DOK5: variants seen among roughly 807,000 people sequenced by gnomAD.
DOK5 encodes the protein docking protein 5.
A neutral mutation model predicts 43.3 loss-of-function variants in DOK5; 27 were observed. The ratio of observed to expected loss-of-function variants is 0.62; its 90% confidence interval spans 0.46 to 0.86. DOK5 has a LOEUF of 0.86. Ranked by LOEUF, DOK5 falls within the 40% of genes least tolerant of loss-of-function variation. The pLI is 0.00. For synonymous variants in DOK5, 146 were observed against 140.1 expected (o/e 1.04, Z -0.30); for missense variants, 373 against 392.9 (o/e 0.95, Z 0.43).
chr20:54,567,072 T>C (rs1985124909), intron 2 of DOK5, among the ~76,000 whole-genome samples: 1 of 152,090 alleles, frequency 6.6e-6, no homozygotes, highest in African/African-American at 2.4e-5. Flanking sequence ...TGTGTGCGTG[T>C]ATGTGTGTAT....
At chr20:54,509,171 C>T (rs74917862) in intron 1 of DOK5, among the ~76,000 whole-genome samples, 3,652 of 152,246 alleles carry the variant, frequency 0.024, 137 homozygotes, top group African/African-American at 0.083. Context: ...CCACCGCACC[C>T]GGCCTAATTT....
chr20:54,483,564 A>T (rs1025345514), intron 1 of DOK5, among the ~76,000 whole-genome samples: 4 of 152,210 alleles, frequency 2.6e-5, no homozygotes, highest in Non-Finnish European at 5.9e-5. Flanking sequence ...ATGCCTGAGG[A>T]TATTTTTCTA....
chr20:54,571,998 T>C (rs1316230945), intron 2 of DOK5, among the ~76,000 whole-genome samples: 2 of 152,192 alleles, frequency 1.3e-5, no homozygotes, highest in Non-Finnish European at 2.9e-5. Context: ...TCGAGACCCA[T>C]GTTAGGACTA....
chr20:54,646,891 G>A (rs1393663686), intron 7 of DOK5, among the ~76,000 whole-genome samples: 8 of 121,080 alleles, frequency 6.6e-5, no homozygotes, highest in African/African-American at 2.8e-4. Context: ...TGAATTTCAG[G>A]CTTTTTTTTT....
intron 1 of DOK5, among the ~76,000 whole-genome samples, chr20:54,520,714 A>T (rs1983362885): frequency 6.6e-6 from 1 of 152,150 alleles, no homozygotes. Context: ...TGAGCCCAGG[A>T]GGTTGAGTCA....
intron 2 of DOK5, among the ~76,000 whole-genome samples, chr20:54,586,535 T>C (rs958015724): frequency 2.6e-5 from 4 of 152,178 alleles, no homozygotes; most frequent in Non-Finnish European, 4.4e-5. Context: ...GGGAGCACAA[T>C]GATGAGCAGA....
intron 1 of DOK5, among the ~76,000 whole-genome samples, chr20:54,534,163 G>A (rs181934654): frequency 2.3e-3 from 356 of 152,296 alleles, no homozygotes; most frequent in Non-Finnish European, 4.2e-3. Context: ...GGGCTTAGGA[G>A]AGAGATGAAA....
chr20:54,615,179 G>A (rs1478599412), intron 6 of DOK5, among the ~76,000 whole-genome samples: 1 of 152,206 alleles, frequency 6.6e-6, no homozygotes, highest in East Asian at 1.9e-4. Flanking sequence ...TGAAATTACA[G>A]CCTGGAGTGA....
chr20:54,576,604 G>T (rs1178958091), intron 2 of DOK5, among the ~76,000 whole-genome samples: 1 of 152,180 alleles, frequency 6.6e-6, no homozygotes, highest in African/African-American at 2.4e-5. Context: ...AAGATTCACT[G>T]AACTGCGGTC....
At position 54,475,865 on chromosome 20, in the gene DOK5, G is replaced by C; in HGVS notation, c.-82G>C. On this transcript the variant is annotated 5_prime_UTR_variant, in exon 1 of 8. Coordinates refer to ENST00000262593, the MANE Select transcript of DOK5 (RefSeq NM_018431.5). This position sits in a 1 kb window ranked among gnomAD's most constrained non-coding sequence, Gnocchi z 4.2. ...TCCAACTTTCTCCCACCGACTGCTT[G>C]TCTTGACCCTGCCCTCCACCCTCCC... 1 of 1,558,474 alleles carries C rather than the reference G, an allele frequency of 6.4e-7. No homozygotes were observed. Among genetic ancestry groups the C allele is most frequent in the Non-Finnish European group, 8.8e-7 (1 of 1,141,876 alleles).
chr20:54,603,551 T>G (rs1183521903), intron 5 of DOK5, among the ~76,000 whole-genome samples: 1 of 152,166 alleles, frequency 6.6e-6, no homozygotes, highest in Non-Finnish European at 1.5e-5. Flanking sequence ...TTTGGTCTAT[T>G]TCAATGATTT....
intron 2 of DOK5, among the ~76,000 whole-genome samples, chr20:54,560,918 G>A (rs1984882775): frequency 2.0e-5 from 3 of 152,092 alleles, no homozygotes; most frequent in South Asian, 2.1e-4. Context: ...CACCATGCCC[G>A]GCCTGAGCTT....
chr20:54,619,202 C>T (rs183935652), intron 6 of DOK5, among the ~76,000 whole-genome samples: 1 of 148,850 alleles, frequency 6.7e-6, no homozygotes, highest in East Asian at 2.0e-4. Flanking sequence ...ATTATTCACT[C>T]TAAAGGGGGT....
rs112619476 is a variant in DOK5, at chr20:54,498,673, G to A, written c.66+22661G>A. Among the ~76,000 whole-genome samples, 615 of 152,270 alleles carry A rather than the reference G, an allele frequency of 4.0e-3. 4 individuals are homozygous for A. Among genetic ancestry groups the A allele is most frequent in the African/African-American group, 0.014 (583 of 41,560 alleles). On this transcript the variant is annotated intron_variant, in intron 1 of 7. Coordinates refer to ENST00000262593, the MANE Select transcript of DOK5 (RefSeq NM_018431.5). ...TAGCAAAATTACATTCAATATTTAA[G>A]GGCCACGATCCTGGTGAACTGTATA...
intron 6 of DOK5, among the ~76,000 whole-genome samples, chr20:54,628,895 T>G (rs898643194): frequency 5.3e-5 from 8 of 152,238 alleles, no homozygotes; most frequent in Non-Finnish European, 1.2e-4. Flanking sequence ...TTATTTTTAA[T>G]GTCTTTTAGA....
At chr20:54,551,185 A>T (rs6098077) in intron 1 of DOK5, among the ~76,000 whole-genome samples, 3,084 of 152,302 alleles carry the variant, frequency 0.02, 103 homozygotes, top group African/African-American at 0.07. Flanking sequence ...CTTCTTGAAC[A>T]TCTGCGCACC....
chr20:54,485,807 T>G (rs1407662316), intron 1 of DOK5, among the ~76,000 whole-genome samples: 1 of 152,240 alleles, frequency 6.6e-6, no homozygotes, highest in Non-Finnish European at 1.5e-5. Context: ...TCTGCATCTT[T>G]GCCAGCATTT....
chr20:54,646,340 A>T (rs1417154256), intron 7 of DOK5, among the ~76,000 whole-genome samples: 1 of 139,272 alleles, frequency 7.2e-6, no homozygotes, highest in African/African-American at 2.7e-5. Flanking sequence ...TGCAGTCTCA[A>T]CCTCCTGGGC....
intron 1 of DOK5, among the ~76,000 whole-genome samples, chr20:54,496,616 A>G (rs1982403216): frequency 6.6e-6 from 1 of 151,962 alleles, no homozygotes; most frequent in African/African-American, 2.4e-5. Flanking sequence ...AAATACAAAA[A>G]TTAGCTGGGC....
Sources: gnomAD v4.1 joint callset for allele counts (sites outside exome capture counted in the v4.1 genomes callset) on GRCh38, gnomAD v4.1.1 for gene constraint, Gnocchi (gnomAD v3.1) non-coding constraint, MANE v1.5 for transcripts, NCBI Gene and HGNC (gene_info 2026-07-23, HGNC 2026-07-21) for gene names.